The following GRIN2D variants were observed in gnomAD, a reference collection of about 807,000 sequenced individuals.
GRIN2D encodes glutamate ionotropic receptor NMDA type subunit 2D.
In GRIN2D, 37 loss-of-function variants were observed where a neutral mutation model predicts 103.2. That is an observed-to-expected ratio of 0.36 (90% confidence interval 0.28 to 0.47). GRIN2D has a LOEUF of 0.47. Among genes scored for constraint, GRIN2D ranks in the 20% least tolerant of loss-of-function variants. The probability of loss-of-function intolerance (pLI) is 1.00; values close to 1 mark genes in which losing one functional copy is unlikely to be tolerated. For synonymous variants in GRIN2D, 845 were observed against 885.6 expected, an observed-to-expected ratio of 0.95 and a Z score of 0.81; for missense variants, 1,557 against 1,910.6, an observed-to-expected ratio of 0.81 and a Z score of 3.45.
In GRIN2D at chr19:48,443,608, TGCCCGCGGTCGCACCCGCACC is replaced by T. The variant is rs1043538085; in HGVS notation, c.3691_3711del (p.Ser1231_Arg1237del). On this transcript the variant is annotated inframe_deletion, in exon 14 of 14. Coordinates refer to ENST00000263269, the MANE Select transcript of GRIN2D (RefSeq NM_000836.4). This position sits in a 1 kb window ranked among gnomAD's most constrained non-coding sequence, Gnocchi z 8.9. Reference sequence around the variant, plus strand: ...GCCCCGACGCCGGGCCCGCTGCGGGTGCCCGCGGTCGCACCCGCACCGCCCGCGGGCCTCGCACCGCACGCC... The same window carrying T: ...GCCCCGACGCCGGGCCCGCTGCGGGTGCCCGCGGGCCTCGCACCGCACGCC... 14 of 1,114,820 alleles carry T rather than the reference TGCCCGCGGTCGCACCCGCACC, an allele frequency of 1.3e-5. No homozygotes were observed. Among genetic ancestry groups the T allele is most frequent in the South Asian group, 8.3e-5 (2 of 24,126 alleles). 69.1% of individuals were successfully genotyped at this position (1,114,820 alleles called of 1,614,324 possible).
chr19:48,399,696 ATAGGG>A (rs1970685531), intron 3 of GRIN2D, among the ~76,000 whole-genome samples: 1 of 152,228 alleles, frequency 6.6e-6, no homozygotes, highest in South Asian at 2.1e-4. Context: ...CCGGTAGAGC[ATAGGG>A]TCTAGAAGTC....
intron 2 of GRIN2D, among the ~76,000 whole-genome samples, chr19:48,396,179 G>C (rs572030171): frequency 3.9e-5 from 6 of 152,036 alleles, no homozygotes; most frequent in Non-Finnish European, 7.4e-5. Flanking sequence ...AGATGGAGGC[G>C]GGGGGAGCGG....
intron 4 of GRIN2D, among the ~76,000 whole-genome samples, chr19:48,412,045 G>C (rs1970868529): frequency 6.6e-6 from 1 of 151,646 alleles, no homozygotes; most frequent in Admixed American, 6.6e-5. Context: ...AAAAAAAAGA[G>C]GCTGGGCGTG....
intron 4 of GRIN2D, among the ~76,000 whole-genome samples, chr19:48,410,033 C>A (rs917347828): frequency 1.3e-5 from 2 of 151,496 alleles, no homozygotes; most frequent in Non-Finnish European, 2.9e-5. Context: ...GATCTGCCCC[C>A]CTCAGCCTCC....
chr19:48,441,345 AGAGT>A (rs1397352150), intron 11 of GRIN2D, among the ~76,000 whole-genome samples: 1 of 146,392 alleles, frequency 6.8e-6, no homozygotes, highest in Admixed American at 6.8e-5. Flanking sequence ...CCTGGGTGAC[AGAGT>A]GAGACTCTGT....
At chr19:48,416,608 A>T (rs1291921822) in intron 8 of GRIN2D, among the ~76,000 whole-genome samples, 1 of 152,224 alleles carries the variant, frequency 6.6e-6, no homozygotes, top group Non-Finnish European at 1.5e-5. Context: ...TTTACTGAGC[A>T]TCTACTATGT....
intron 11 of GRIN2D, among the ~76,000 whole-genome samples, chr19:48,437,637 CCT>C (rs1326172727): frequency 6.6e-6 from 1 of 152,170 alleles, no homozygotes; most frequent in Non-Finnish European, 1.5e-5. Flanking sequence ...TCCCGCTTGT[CCT>C]CTGAGGACCC....
chr19:48,415,179 TG>T, intron 7 of GRIN2D, 147 bp downstream of exon 7: 1 of 710,596 alleles, frequency 1.4e-6, no homozygotes, highest in South Asian at 2.0e-5. Context: ...GAGACCAGTT[TG>T]GGCAAAACGG....
intron 4 of GRIN2D, among the ~76,000 whole-genome samples, chr19:48,412,287 C>A (rs1440729540): frequency 6.6e-6 from 1 of 150,636 alleles, no homozygotes; most frequent in African/African-American, 2.4e-5. Context: ...CAAGATCGCA[C>A]CACTACACTC....
intron 3 of GRIN2D, among the ~76,000 whole-genome samples, chr19:48,399,343 A>G (rs1264836153): frequency 2.0e-5 from 3 of 152,190 alleles, no homozygotes; most frequent in African/African-American, 7.2e-5. Flanking sequence ...AGGCCGGCGG[A>G]TCACTTGAGG....
intron 11 of GRIN2D, among the ~76,000 whole-genome samples, chr19:48,438,540 C>T (rs1176550506): frequency 2.0e-5 from 3 of 151,844 alleles, no homozygotes; most frequent in Non-Finnish European, 2.9e-5. Flanking sequence ...CCTCGTGATC[C>T]GCCTGCCTCG....
At chr19:48,441,339 G>C (rs1466943603) in intron 11 of GRIN2D, among the ~76,000 whole-genome samples, 1 of 148,284 alleles carries the variant, frequency 6.7e-6, no homozygotes, top group Non-Finnish European at 1.5e-5. Context: ...CTCCAGCCTG[G>C]GTGACAGAGT....
chr19:48,436,235 T>C (rs574914810), intron 11 of GRIN2D, among the ~76,000 whole-genome samples: 61 of 152,130 alleles, frequency 4.0e-4, no homozygotes, highest in African/African-American at 1.4e-3. Flanking sequence ...ATTTGGCGGG[T>C]AGGGGCTTGG....
At position 48,434,604 on chromosome 19, in the gene GRIN2D, T is replaced by C. The variant is rs537012937; in HGVS notation, c.2253-7165T>C. Among the ~76,000 whole-genome samples the C allele has an allele frequency of 7.9e-5, 12 of 151,942 alleles. No homozygotes were observed. The East Asian group carries it at 2.1e-3, about 27-fold the overall frequency. On this transcript the variant is annotated intron_variant, in intron 11 of 13. Coordinates refer to ENST00000263269, the MANE Select transcript of GRIN2D (RefSeq NM_000836.4). ...AACTTCTTTTTTAAAAATTTTTAAT[T>C]GTATTTTTTTTTTTACAGATGGTCT...
rs1021619664 is a variant in GRIN2D at position 48,442,039 on chromosome 19, C to G, written c.2440+83C>G. The G allele has an allele frequency of 3.3e-6, 5 of 1,511,528 alleles. No homozygotes were observed. Among genetic ancestry groups the G allele is most frequent in the Non-Finnish European group, 4.5e-6 (5 of 1,106,648 alleles). 93.6% of individuals were successfully genotyped at this position (1,511,528 alleles called of 1,614,324 possible). The stretch of plus-strand genomic sequence containing the variant: ...TCCGGGGAAGAAAGGGACAAAGACC[C>G]GGACACCAGGGTCTGAGGGAGGAAG... On this transcript the variant is annotated intron_variant, in intron 12 of 13. Transcript: ENST00000263269. The surrounding 1 kb of genome is among the most constrained non-coding windows in gnomAD (Gnocchi z 7.2).
At chr19:48,434,646 C>A (rs1248909761) in intron 11 of GRIN2D, among the ~76,000 whole-genome samples, 1 of 151,940 alleles carries the variant, frequency 6.6e-6, no homozygotes, top group Admixed American at 6.6e-5. Context: ...GTTGCCCAGG[C>A]TGGTCTCAAA....
intron 11 of GRIN2D, among the ~76,000 whole-genome samples, chr19:48,433,253 A>G (rs1971181592): frequency 6.6e-6 from 1 of 151,720 alleles, no homozygotes; most frequent in Non-Finnish European, 1.5e-5. Flanking sequence ...CTGTAATCCC[A>G]GCTACTCGGG....
At position 48,415,993 on chromosome 19, in the gene GRIN2D, C is replaced by G. The variant is rs1405952040; in HGVS notation, c.1582-9C>G. 2 of 1,612,098 alleles carry G rather than the reference C, an allele frequency of 1.2e-6. No individual in the cohort carries two copies. The highest frequency in any genetic ancestry group is 8.5e-7 in the Non-Finnish European group (1 of 1,179,170). On this transcript the variant is annotated splice_polypyrimidine_tract_variant and intron_variant, in intron 7 of 13. Transcript: ENST00000263269. ...TTCCCCCGCCCACTCCTCATCGCCC[C>G]CACCCCAGGTGTTCTACCAGCGCGC...
intron 3 of GRIN2D, among the ~76,000 whole-genome samples, chr19:48,402,325 G>A (rs1970726548): frequency 6.6e-6 from 1 of 152,034 alleles, no homozygotes; most frequent in Admixed American, 6.6e-5. Context: ...GAATGTGTGA[G>A]GGAAAGAAAG....
Sources: gnomAD v4.1 joint callset for allele counts (sites outside exome capture counted in the v4.1 genomes callset) on GRCh38, gnomAD v4.1.1 for gene constraint, Gnocchi (gnomAD v3.1) non-coding constraint, MANE v1.5 for transcripts, NCBI Gene and HGNC (gene_info 2026-07-23, HGNC 2026-07-21) for gene names.